RYR2: variants seen among roughly 807,000 people sequenced by gnomAD.
The protein encoded by RYR2 is cardiac muscle ryanodine receptor-calcium release channel.
RYR2 carries 227 observed loss-of-function variants against 601.1 expected under a neutral mutation model. The observed-to-expected ratio is 0.38, with a 90% confidence interval of 0.34 to 0.42. RYR2 has a LOEUF of 0.42. Among genes scored for constraint, RYR2 ranks in the 10% least tolerant of loss-of-function variants. RYR2 has a pLI of 1.00. For missense variants in RYR2, 4,646 were observed against 6,156.5 expected, an observed-to-expected ratio of 0.75 and a Z score of 8.21; for synonymous variants, 2,223 against 2,175.1, an observed-to-expected ratio of 1.02 and a Z score of -0.61.
chr1:237,788,323 A>G (rs887446097), intron 92 of RYR2, among the ~76,000 whole-genome samples, 188 bp downstream of exon 92: 2 of 152,120 alleles, frequency 1.3e-5, no homozygotes, highest in East Asian at 1.9e-4. Flanking sequence ...ACCGCTCCCT[A>G]CTGTCAAACC....
intron 10 of RYR2, among the ~76,000 whole-genome samples, chr1:237,388,803 G>A (rs1702144397): frequency 6.6e-6 from 1 of 152,196 alleles, no homozygotes; most frequent in Non-Finnish European, 1.5e-5. Context: ...ATCAATGAAT[G>A]TAGTAAGATG....
At chr1:237,279,322 ACT>A (rs909457186) in intron 2 of RYR2, among the ~76,000 whole-genome samples, 7 of 152,254 alleles carry the variant, frequency 4.6e-5, no homozygotes, top group East Asian at 1.9e-4. Flanking sequence ...ATTTTATAAG[ACT>A]CTCTATACTG....
intron 27 of RYR2, among the ~76,000 whole-genome samples, chr1:237,563,812 C>T (rs2779397): frequency 0.53 from 79,838 of 151,852 alleles, 23,048 homozygotes; most frequent in Admixed American, 0.66. Context: ...GTTTGCATTA[C>T]TTGAGTGCAC....
At chr1:237,367,208 C>T (rs1413731212) in intron 5 of RYR2, among the ~76,000 whole-genome samples, 1 of 152,146 alleles carries the variant, frequency 6.6e-6, no homozygotes, top group Non-Finnish European at 1.5e-5. Flanking sequence ...ATTCTTCTGT[C>T]TCAGCCTCCT....
chr1:237,822,855 A>G (rs2794840), intron 101 of RYR2, among the ~76,000 whole-genome samples: 39,909 of 151,990 alleles, frequency 0.26, 5,686 homozygotes, highest in East Asian at 0.61. Context: ...CAAATGGAAA[A>G]CAAAACAAAA....
intron 2 of RYR2, among the ~76,000 whole-genome samples, chr1:237,322,365 G>A (rs1426205425): frequency 6.6e-6 from 1 of 152,140 alleles, no homozygotes; most frequent in Non-Finnish European, 1.5e-5. Context: ...AGACAAGTCG[G>A]AATCTGTTGG....
chr1:237,587,701 G>T (rs1674682923), intron 29 of RYR2, among the ~76,000 whole-genome samples: 1 of 152,024 alleles, frequency 6.6e-6, no homozygotes, highest in African/African-American at 2.4e-5. Context: ...GAACAGTTTA[G>T]GACATAAATA....
At chr1:237,246,051 A>C (rs1686786763) in intron 1 of RYR2, among the ~76,000 whole-genome samples, 2 of 151,900 alleles carry the variant, frequency 1.3e-5, no homozygotes, top group African/African-American at 4.8e-5. Context: ...AAGTGCTGGG[A>C]TTACAGGCGT....
At chr1:237,267,218 C>A (rs1404202109) in intron 1 of RYR2, among the ~76,000 whole-genome samples, 1 of 152,130 alleles carries the variant, frequency 6.6e-6, no homozygotes, top group Non-Finnish European at 1.5e-5. Context: ...TATCATATAT[C>A]AAAAAGATAC....
At chr1:237,407,197 A>G (rs571966259) in intron 10 of RYR2, among the ~76,000 whole-genome samples, 2 of 152,318 alleles carry the variant, frequency 1.3e-5, no homozygotes, top group African/African-American at 4.8e-5. Flanking sequence ...AAACATTCCA[A>G]TGGATGTGTT....
At chr1:237,797,938 A>G in intron 96 of RYR2, 99 bp from the exon 97 acceptor site, 1 of 1,121,378 alleles carries the variant, frequency 8.9e-7, no homozygotes, top group Non-Finnish European at 1.3e-6. Flanking sequence ...TAGGGCAAAT[A>G]TACAGTAAGT....
chr1:237,114,825 A>C (rs188009327), intron 1 of RYR2, among the ~76,000 whole-genome samples: 7 of 152,268 alleles, frequency 4.6e-5, no homozygotes, highest in African/African-American at 7.2e-5. Flanking sequence ...TAATCTGTAC[A>C]ATGGGATGTG....
At chr1:237,116,095 T>C (rs942034400) in intron 1 of RYR2, among the ~76,000 whole-genome samples, 2 of 152,220 alleles carry the variant, frequency 1.3e-5, no homozygotes, top group Non-Finnish European at 1.5e-5. Context: ...ATTTAAGAAT[T>C]GTAATTCTTT....
intron 77 of RYR2, among the ~76,000 whole-genome samples, chr1:237,730,937 C>A (rs1690625232): frequency 6.6e-6 from 1 of 152,104 alleles, no homozygotes; most frequent in East Asian, 1.9e-4. Context: ...CAAAAGCCAT[C>A]TTCTCAACAA....
At chr1:237,169,981 GTTA>G (rs920592192) in intron 1 of RYR2, among the ~76,000 whole-genome samples, 1 of 152,096 alleles carries the variant, frequency 6.6e-6, no homozygotes, top group African/African-American at 2.4e-5. Flanking sequence ...GTGGAAAGTT[GTTA>G]TTATAGGTGC....
chr1:237,627,618 T>G (rs955108764), intron 40 of RYR2, among the ~76,000 whole-genome samples, 189 bp from the exon 41 acceptor site: 1 of 152,236 alleles, frequency 6.6e-6, no homozygotes, highest in Non-Finnish European at 1.5e-5. Context: ...TTTGCATGAT[T>G]GTAACTGATC....
chr1:237,491,819 T>G lies in RYR2; in HGVS notation c.1722T>G (p.Val574=). ...RLEASSGILE[V]LHCVLVESPE... ...TTTTATCTTTAGGCATTCTGGAAGT[T>G]TTACACTGTGTTTTAGTAGAAAGTC... The change falls in exon 18 of 105, where the codon GTT becomes GTG. Residue 574 remains valine, a synonymous_variant. Coordinates refer to ENST00000366574, the MANE Select transcript of RYR2 (RefSeq NM_001035.3). 1 of 1,447,560 alleles carries G rather than the reference T, an allele frequency of 6.9e-7. No homozygotes were observed. The highest frequency in any genetic ancestry group is 9.5e-7 in the Non-Finnish European group (1 of 1,050,476). 89.7% of individuals were successfully genotyped at this position (1,447,560 alleles called of 1,614,324 possible).
intron 24 of RYR2, among the ~76,000 whole-genome samples, chr1:237,526,046 T>C (rs1558969588): frequency 6.6e-6 from 1 of 152,114 alleles, no homozygotes; most frequent in African/African-American, 2.4e-5. Flanking sequence ...AGTTGTGGGA[T>C]TGCAGGGCTG....
intron 1 of RYR2, among the ~76,000 whole-genome samples, chr1:237,097,084 T>A (rs1035677909): frequency 1.3e-4 from 20 of 152,258 alleles, no homozygotes; most frequent in African/African-American, 4.8e-4. Flanking sequence ...TTAGCTTGAA[T>A]ATGTATTTTC....
Sources: gnomAD v4.1 joint callset for allele counts (sites outside exome capture counted in the v4.1 genomes callset) on GRCh38, gnomAD v4.1.1 for gene constraint, MANE v1.5 for transcripts, NCBI Gene and HGNC (gene_info 2026-07-23, HGNC 2026-07-21) for gene names.